The following CHRNB4 variants were observed in gnomAD, a reference collection of about 807,000 sequenced individuals.
CHRNB4 encodes the protein neuronal acetylcholine receptor subunit beta-4.
In CHRNB4, 23 loss-of-function variants were observed where a neutral mutation model predicts 40.4. That is an observed-to-expected ratio of 0.57 (90% CI 0.41 to 0.81). CHRNB4 has a LOEUF of 0.81. Among genes scored for constraint, CHRNB4 ranks in the 30% least tolerant of loss-of-function variants. The pLI, the probability that CHRNB4 is intolerant of heterozygous loss-of-function variation, is 0.00. For missense variants in CHRNB4, 568 were observed against 670.6 expected (o/e 0.85, Z 1.69); for synonymous variants, 285 against 274.4 (o/e 1.04, Z -0.38).
At chr15:78,634,746 A>G (rs774753367) in intron 2 of CHRNB4, 73 of 455,926 alleles carry the variant, frequency 1.6e-4, no homozygotes, top group Middle Eastern at 9.8e-4. Context: ...AACCCTGTGG[A>G]TGGGGACATG....
upstream of CHRNB4, among the ~76,000 whole-genome samples, chr15:78,646,081 CAT>C (rs1201643292): frequency 6.7e-6 from 1 of 149,098 alleles, no homozygotes; most frequent in Non-Finnish European, 1.5e-5. Flanking sequence ...AAATGAATGA[CAT>C]AGAGGTCAGT....
intron 2 of CHRNB4, among the ~76,000 whole-genome samples, chr15:78,632,173 CTTTCTTTCTTTCTTTCTTT>C (rs2053829864): frequency 1.3e-4 from 1 of 7,664 alleles, no homozygotes; most frequent in African/African-American, 3.4e-4. Context: ...TTTTCTTTCT[CTTTCTTTCTTTCTTTCTTT>C]CTTTCTTTCT....
At position 78,625,302 on chromosome 15, in the gene CHRNB4, A is replaced by G. The variant is rs1243101058; in HGVS notation, c.1339-11T>C. The G allele has an allele frequency of 5.2e-6, 8 of 1,527,540 alleles. No individual in the cohort carries two copies. Among genetic ancestry groups the G allele is most frequent in the South Asian group, 1.3e-5 (1 of 76,412 alleles). The allele number at this position is 1,527,540 out of a possible 1,614,324, so 94.6% of individuals were successfully genotyped here. ...CCAGTCCTCAACGACCTGCAGGCAGACAGAGGAGTTGGTCACAGGTGCCAA... is the reference window on the plus strand; with the variant it reads ...CCAGTCCTCAACGACCTGCAGGCAGGCAGAGGAGTTGGTCACAGGTGCCAA... On this transcript the variant is annotated splice_polypyrimidine_tract_variant and intron_variant, in intron 5 of 5. Coordinates refer to ENST00000261751, the MANE Select transcript of CHRNB4 (RefSeq NM_000750.5).
chr15:78,629,965 G>C lies in CHRNB4; in HGVS notation c.360-20C>G. 1.3e-6 allele frequency: 2 copies of C among 1,532,664 alleles called. No homozygotes were observed. The highest frequency in any genetic ancestry group is 1.7e-6 in the Non-Finnish European group (2 of 1,147,454). 94.9% of individuals were successfully genotyped at this position (1,532,664 alleles called of 1,614,324 possible). On this transcript the variant is annotated intron_variant, in intron 4 of 5. Transcript: ENST00000261751. This position sits in a 1 kb window ranked among gnomAD's most constrained non-coding sequence, Gnocchi z 6.8. ...TCGGCGCTGGGCAGGGTCAGGGCAT[G>C]GAGAACATCGTGAAACCCATACACA... is the stretch of plus-strand genomic sequence containing the variant.
Position 78,625,156 on chromosome 15 carries a change from G to T in CHRNB4, c.1474C>A (p.Pro492Thr). The T allele has an allele frequency of 1.9e-6, 3 of 1,614,054 alleles. No individual in the cohort carries two copies. Among genetic ancestry groups the T allele is most frequent in the Non-Finnish European group, 2.5e-6 (3 of 1,179,964 alleles). ...LFQTHAASEGPYAAQRD is the reference protein window; with the variant it reads ...LFQTHAASEGTYAAQRD Reference sequence around the variant, plus strand: ...CCTCAGTCACGCTGGGCAGCGTAGGGCCCCTCAGAAGCTGCATGGGTCTGG... The same window carrying T: ...CCTCAGTCACGCTGGGCAGCGTAGGTCCCCTCAGAAGCTGCATGGGTCTGG... The change falls in exon 6 of 6, where the codon CCC becomes ACC. Residue 492 changes from proline (P) to threonine (T), a missense_variant. Around this residue, in one of 4 missense-constraint regions of CHRNB4, gnomAD observed 242 missense variants for 274.9 expected, o/e 0.88. Transcript: ENST00000261751.
chr15:78,628,944 G>A (rs975325464), intron 5 of CHRNB4, 23 bp downstream of exon 5: 1 of 1,592,522 alleles, frequency 6.3e-7, no homozygotes, highest in Non-Finnish European at 8.6e-7. Flanking sequence ...GGGCAGGTGG[G>A]CAGGGGCTGG....
chr15:78,645,090 C>A (rs539495981), upstream of CHRNB4, among the ~76,000 whole-genome samples: 7 of 152,198 alleles, frequency 4.6e-5, no homozygotes, highest in African/African-American at 1.7e-4. Context: ...CCAGCCAATC[C>A]GAAGCCCACA....
At chr15:78,632,238 T>C (rs1442786544) in intron 2 of CHRNB4, among the ~76,000 whole-genome samples, 9 of 87,424 alleles carry the variant, frequency 1.0e-4, no homozygotes, top group African/African-American at 6.3e-4. Flanking sequence ...TCTCTCTCTC[T>C]CTCTCTCTCT....
chr15:78,634,013 T>C (rs2053892538), intron 2 of CHRNB4, among the ~76,000 whole-genome samples: 1 of 152,170 alleles, frequency 6.6e-6, no homozygotes, highest in South Asian at 2.1e-4. Context: ...ACAAGCCTGC[T>C]TTCCTTACCC....
At chr15:78,628,862 G>A in intron 5 of CHRNB4, 105 bp downstream of exon 5, 3 of 1,400,446 alleles carry the variant, frequency 2.1e-6, no homozygotes, top group South Asian at 2.9e-5. Flanking sequence ...TTCAGAGTTT[G>A]AGAGTCCTTG....
chr15:78,656,678 A>T (rs187032168), exon 4 of CHRNB4: 4 of 152,214 alleles, frequency 2.6e-5, no homozygotes, highest in Non-Finnish European at 5.9e-5. Context: ...GTAGAAGATA[A>T]GATGTCAAAA....
At chr15:78,650,716 G>A (rs987195692) in intron 6 of CHRNB4, among the ~76,000 whole-genome samples, 2 of 152,180 alleles carry the variant, frequency 1.3e-5, no homozygotes, top group Non-Finnish European at 2.9e-5. Context: ...CCATTCTGCC[G>A]GTGTACAGCA....
chr15:78,628,828 C>G, intron 5 of CHRNB4, 139 bp downstream of exon 5: 1 of 1,101,754 alleles, frequency 9.1e-7, no homozygotes, highest in Non-Finnish European at 1.3e-6. Flanking sequence ...TTAACACAAA[C>G]TCATTTCAAT....
At chr15:78,652,645 C>T (rs1430082321) in exon 6 of CHRNB4, 2 of 152,228 alleles carry the variant, frequency 1.3e-5, no homozygotes, top group African/African-American at 2.4e-5. Flanking sequence ...ACGGCACTTC[C>T]GGCCTGGTGA....
upstream of CHRNB4, among the ~76,000 whole-genome samples, chr15:78,642,209 G>A (rs3813567): frequency 0.76 from 115,516 of 152,122 alleles, 44,313 homozygotes; most frequent in Non-Finnish European, 0.8. Context: ...GTCTTTAAAA[G>A]CAACAACAAC....
In CHRNB4 at chr15:78,629,213, C is replaced by T. The variant is rs1170773914; in HGVS notation, c.1092G>A (p.Lys364=). ...TGGCCTCGGGCTTGGTCACGCATGA[C>T]TTGCTGGGCGGGAAGGCTCTGGCCG... ...SSPARAFPPS[K]SCVTKPEATA... The change falls in exon 5 of 6, where the codon AAG becomes AAA. Residue 364 remains lysine (K), a synonymous_variant. Coordinates refer to ENST00000261751, the MANE Select transcript of CHRNB4 (RefSeq NM_000750.5). The surrounding 1 kb of genome is among the most constrained non-coding windows in gnomAD (Gnocchi z 6.8). 1.9e-6 allele frequency: 3 copies of T among 1,613,692 alleles called. No homozygotes were observed. The South Asian group carries it at 3.3e-5, about 18-fold the overall frequency.
chr15:78,631,271 C>G lies in CHRNB4; in HGVS notation c.249+17G>C, dbSNP rs1366778024. ...AAGAAAAGATCTCTGGGGCTCAGGG[C>G]CCTTCAGGGCACTTACCTGTTTCAG... On this transcript the variant is annotated intron_variant, in intron 3 of 5. Transcript: ENST00000261751. The G allele has an allele frequency of 6.2e-7, 1 of 1,613,870 alleles. No homozygotes were observed. Among genetic ancestry groups the G allele is most frequent in the Non-Finnish European group, 8.5e-7 (1 of 1,179,892 alleles).
chr15:78,626,245 C>T (rs2053649757), intron 5 of CHRNB4: 1 of 152,364 alleles, frequency 6.6e-6, no homozygotes, highest in Non-Finnish European at 1.5e-5. Flanking sequence ...CACGCCTGCA[C>T]CTGTCCCCAA....
chr15:78,628,781 C>T lies in CHRNB4; in HGVS notation c.1338+186G>A, dbSNP rs149352578. Among the ~76,000 whole-genome samples, 170 of 152,340 alleles carry T rather than the reference C, an allele frequency of 1.1e-3. 1 individual carries two copies. The highest frequency in any genetic ancestry group is 4.0e-3 in the African/African-American group (166 of 41,566). ...AAACAAACAAACTAAATCACTGGCA[C>T]GTCCTTCCTCTCCCCGGATGCATGA... On this transcript the variant is annotated intron_variant, in intron 5 of 5. Transcript: ENST00000261751.
Sources: allele counts gnomAD v4.1 joint callset (sites outside exome capture counted in the v4.1 genomes callset), GRCh38; gene constraint gnomAD v4.1.1; regional missense constraint gnomAD v4.1.1; non-coding constraint Gnocchi (gnomAD v3.1); transcripts MANE v1.5; gene names NCBI Gene and HGNC (gene_info 2026-07-23, HGNC 2026-07-21).